UBAC2: variants seen among roughly 807,000 people sequenced by gnomAD.
UBAC2 encodes the protein UBA domain containing 2, also known as ubiquitin-associated domain-containing protein 2.
In UBAC2, 26 loss-of-function variants were observed where a neutral mutation model predicts 44.0. The observed-to-expected ratio is 0.59, with a 90% CI of 0.43 to 0.82. The LOEUF (loss-of-function observed/expected upper bound fraction) is 0.82. UBAC2 is among the 40% of genes least tolerant of loss of function. The probability of loss-of-function intolerance (pLI) is 0.00; values close to 1 mark genes in which losing one functional copy is unlikely to be tolerated. For missense variants in UBAC2, 329 were observed against 419.4 expected (o/e 0.78, Z 1.88); for synonymous variants, 155 against 154.3 (o/e 1.00, Z -0.04).
intron 8 of UBAC2, among the ~76,000 whole-genome samples, chr13:99,378,531 ATAAAAT>A (rs1431904291): frequency 6.6e-6 from 1 of 152,232 alleles, no homozygotes; most frequent in African/African-American, 2.4e-5. Flanking sequence ...TGTCTCAAAA[ATAAAAT>A]AAAAAATAAA....
At chr13:99,371,376 G>C (rs898612965) in intron 8 of UBAC2, among the ~76,000 whole-genome samples, 1 of 152,080 alleles carries the variant, frequency 6.6e-6, no homozygotes, top group Non-Finnish European at 1.5e-5. Context: ...CCTGCAAATA[G>C]CTGTTATAAA....
At position 99,295,029 on chromosome 13, in the gene UBAC2, T is replaced by C; in HGVS notation, c.390-19068T>C. On this transcript the variant is annotated intron_variant, in intron 4 of 8. Transcript: ENST00000403766. This position sits in a 1 kb window ranked among gnomAD's most constrained non-coding sequence, Gnocchi z 4.1. ...GTCCTGCAAAGTTTGTCATACAGTT[T>C]ACGTCACTATAAACCAAAATACAAT... 1 of 1,591,120 alleles carries C rather than the reference T, an allele frequency of 6.3e-7. No individual in the cohort carries two copies. The highest frequency in any genetic ancestry group is 1.8e-5 in the Admixed American group (1 of 56,604).
intron 4 of UBAC2, among the ~76,000 whole-genome samples, chr13:99,310,538 A>C (rs963131624): frequency 3.3e-5 from 5 of 152,254 alleles, no homozygotes; most frequent in African/African-American, 1.2e-4. Flanking sequence ...GTGACTAATA[A>C]CATTATGGTA....
rs937957390 is a variant in UBAC2 at position 99,295,705 on chromosome 13, A to G, written c.390-18392A>G. The G allele has an allele frequency of 2.5e-6, 4 of 1,614,056 alleles. No individual in the cohort carries two copies. The highest frequency in any genetic ancestry group is 2.2e-5 in the South Asian group (2 of 91,092). Reference sequence around the variant, plus strand: ...AGACAAATATGCACACGCCTTTTGCATGTTCAATCCTTTTTATCTTGTTGT... The same window carrying G: ...AGACAAATATGCACACGCCTTTTGCGTGTTCAATCCTTTTTATCTTGTTGT... On this transcript the variant is annotated intron_variant, in intron 4 of 8. Transcript: ENST00000403766. This position sits in a 1 kb window ranked among gnomAD's most constrained non-coding sequence, Gnocchi z 4.1.
At chr13:99,287,811 A>G (rs529860109) in intron 4 of UBAC2, among the ~76,000 whole-genome samples, 34 of 152,006 alleles carry the variant, frequency 2.2e-4, no homozygotes, top group Middle Eastern at 3.4e-3. Context: ...TAACAAACCA[A>G]TAATGTTCAA....
At chr13:99,223,749 A>C (rs527916304) in intron 1 of UBAC2, among the ~76,000 whole-genome samples, 1 of 151,328 alleles carries the variant, frequency 6.6e-6, no homozygotes, top group Non-Finnish European at 1.5e-5. Flanking sequence ...TCTTTGACCC[A>C]GATATTGTTT....
chr13:99,235,530 A>G (rs1044628601), intron 1 of UBAC2, among the ~76,000 whole-genome samples: 4 of 152,240 alleles, frequency 2.6e-5, no homozygotes, highest in African/African-American at 9.6e-5. Context: ...TTCAAAATAT[A>G]CTACAGAGTA....
Position 99,320,209 on chromosome 13 carries a change from G to A in UBAC2, c.561+2140G>A, listed in dbSNP as rs184299775. Among the ~76,000 whole-genome samples, 402 of 152,206 alleles carry A rather than the reference G, an allele frequency of 2.6e-3. 2 individuals are homozygous for A. Among genetic ancestry groups the A allele is most frequent in the Admixed American group, 0.024 (373 of 15,292 alleles). On this transcript the variant is annotated intron_variant, in intron 6 of 8. Transcript: ENST00000403766. ...TGTGACATTCAGTGCACTAAAATTG[G>A]AGGTTGCATTTTTCATCTCTTTATA...
chr13:99,316,152 A>G (rs752683045), intron 5 of UBAC2, among the ~76,000 whole-genome samples: 52 of 152,056 alleles, frequency 3.4e-4, no homozygotes, highest in Non-Finnish European at 4.1e-4. Context: ...GAGAGGGAGA[A>G]GTTGAGATCA....
intron 7 of UBAC2, among the ~76,000 whole-genome samples, chr13:99,357,513 G>A (rs1295026324): frequency 2.0e-5 from 3 of 152,156 alleles, no homozygotes; most frequent in Admixed American, 6.5e-5. Context: ...AGCGCACTAC[G>A]CATAGAAGGC....
chr13:99,220,577 CAG>C (rs1333899085), intron 1 of UBAC2, among the ~76,000 whole-genome samples: 1 of 152,156 alleles, frequency 6.6e-6, no homozygotes, highest in African/African-American at 2.4e-5. Flanking sequence ...TTATCTTTGC[CAG>C]AGAGGTATTT....
intron 1 of UBAC2, among the ~76,000 whole-genome samples, chr13:99,208,129 C>G (rs1020649248): frequency 6.6e-6 from 1 of 151,794 alleles, no homozygotes; most frequent in African/African-American, 2.4e-5. Flanking sequence ...CCCCAAGTAG[C>G]TGGGATTACA....
Position 99,201,062 on chromosome 13 carries a change from C to T in UBAC2, c.31+123C>T, listed in dbSNP as rs1331523648. On this transcript the variant is annotated intron_variant, in intron 1 of 8. Coordinates refer to ENST00000403766, the MANE Select transcript of UBAC2 (RefSeq NM_001144072.2). Reference sequence around the variant, plus strand: ...AGGTGGTGGGGCCGACCCTCCAGACCCGCGTCCGAACCCTGCTAGTTCCCG... The same window carrying T: ...AGGTGGTGGGGCCGACCCTCCAGACTCGCGTCCGAACCCTGCTAGTTCCCG... 4 of 1,329,118 alleles carry T rather than the reference C, an allele frequency of 3.0e-6. No homozygotes were observed. In the East Asian group the frequency reaches 8.4e-5, roughly 28 times the overall value. 82.3% of individuals were successfully genotyped at this position (1,329,118 alleles called of 1,614,324 possible). A position where few individuals can be genotyped will look rare whatever the true frequency, so the allele number is the denominator to read the frequency against.
chr13:99,365,000 G>A (rs1189968056), intron 7 of UBAC2, among the ~76,000 whole-genome samples: 3 of 152,170 alleles, frequency 2.0e-5, no homozygotes, highest in Non-Finnish European at 2.9e-5. Flanking sequence ...CTCAGCTTAA[G>A]TAGATGGTCC....
chr13:99,381,257 C>G (rs1283761870), intron 8 of UBAC2, among the ~76,000 whole-genome samples: 1 of 152,232 alleles, frequency 6.6e-6, no homozygotes, highest in African/African-American at 2.4e-5. Flanking sequence ...TATCAGCATC[C>G]TGTGGATTCC....
chr13:99,294,960 A>T (rs2044145818), intron 4 of UBAC2: 1 of 1,340,466 alleles, frequency 7.5e-7, no homozygotes. Flanking sequence ...AATATAAAAG[A>T]ATACTAATTG....
chr13:99,346,991 A>G (rs1420355858), intron 7 of UBAC2, among the ~76,000 whole-genome samples: 1 of 152,216 alleles, frequency 6.6e-6, no homozygotes, highest in African/African-American at 2.4e-5. Context: ...GGAAACATCT[A>G]CAGAGGTTGA....
intron 4 of UBAC2, chr13:99,296,093 C>T (rs952894642): frequency 1.9e-6 from 3 of 1,612,650 alleles, no homozygotes; most frequent in Non-Finnish European, 2.5e-6. Flanking sequence ...ACAGTCATTT[C>T]CCTGAGGAGT....
chr13:99,235,934 C>T (rs2043227669), intron 1 of UBAC2, among the ~76,000 whole-genome samples: 1 of 152,036 alleles, frequency 6.6e-6, no homozygotes, highest in Admixed American at 6.6e-5. Flanking sequence ...TGCTGCTGGA[C>T]TCCAGCTTGG....
Sources: gnomAD v4.1 joint callset for allele counts (sites outside exome capture counted in the v4.1 genomes callset) on GRCh38, gnomAD v4.1.1 for gene constraint, Gnocchi (gnomAD v3.1) non-coding constraint, MANE v1.5 for transcripts, NCBI Gene and HGNC (gene_info 2026-07-23, HGNC 2026-07-21) for gene names.